The following CCDC30 variants were observed in gnomAD, a reference collection of about 807,000 sequenced individuals.
The protein encoded by CCDC30 is coiled-coil domain containing 30, also known as coiled-coil domain-containing protein 30.
CCDC30 carries 70 observed loss-of-function variants against 100.2 expected under a neutral mutation model. The observed-to-expected ratio is 0.70, with a 90% CI of 0.58 to 0.85. The LOEUF is 0.85. Among genes scored for constraint, CCDC30 ranks in the 40% least tolerant of loss-of-function variants. CCDC30 has a pLI of 0.00. For missense variants in CCDC30, 652 were observed against 771.2 expected (o/e 0.85, Z 1.83); for synonymous variants, 233 against 269.5 (o/e 0.86, Z 1.33).
chr1:42,566,331 G>T, exon 7 of CCDC30: 1 of 1,613,702 alleles, frequency 6.2e-7, no homozygotes, highest in Non-Finnish European at 8.5e-7. Flanking sequence ...AATACAACCA[G>T]CAAGGGGAAG....
intron 6 of CCDC30, among the ~76,000 whole-genome samples, chr1:42,545,186 A>AAAAAAAAAAAAAAAT (rs760685126): frequency 1.6e-5 from 2 of 126,044 alleles, no homozygotes; most frequent in Admixed American, 8.7e-5. Flanking sequence ...AAAAAAAAAA[A>AAAAAAAAAAAAAAAT]AAGGGAATTT....
intron 10 of CCDC30, chr1:42,594,755 T>A (rs1408239468): frequency 1.3e-5 from 2 of 152,082 alleles, no homozygotes; most frequent in Non-Finnish European, 2.9e-5. Flanking sequence ...GAAATGAAAA[T>A]TTTAAAAATT....
the CCDC30 span, chr1:42,456,831 C>T: frequency 1.2e-6 from 2 of 1,613,386 alleles, no homozygotes; most frequent in African/African-American, 2.7e-5. Context: ...GCTCGCTCTG[C>T]CTTCCCCTAT....
chr1:42,607,659 A>C (rs1479853841), intron 10 of CCDC30, among the ~76,000 whole-genome samples: 1 of 152,172 alleles, frequency 6.6e-6, no homozygotes, highest in Non-Finnish European at 1.5e-5. Context: ...TTCTGGGAAA[A>C]AAAAAAATCA....
At position 42,633,771 on chromosome 1, in the gene CCDC30, G is replaced by A. The variant is rs72967289; in HGVS notation, c.1278-3466G>A. On this transcript the variant is annotated intron_variant, in intron 11 of 16. Coordinates refer to ENST00000668663, the Ensembl canonical transcript of CCDC30. ...CTAAAAATTGTTTTAAAAGTTAACTGAGCATAGTTGTATTAGTCACTTCTC... is the reference window on the plus strand; with the variant it reads ...CTAAAAATTGTTTTAAAAGTTAACTAAGCATAGTTGTATTAGTCACTTCTC... Among the ~76,000 whole-genome samples the A allele has an allele frequency of 1.1e-4, 16 of 152,214 alleles. No homozygotes were observed. In the South Asian group the frequency reaches 3.1e-3, roughly 30 times the overall value.
chr1:42,627,178 G>A (rs1022006806), intron 11 of CCDC30, among the ~76,000 whole-genome samples: 4 of 152,142 alleles, frequency 2.6e-5, no homozygotes, highest in African/African-American at 9.7e-5. Context: ...TTGGGAACTG[G>A]AGCAAGGGTG....
At chr1:42,542,423 C>T (rs1645028369) in intron 6 of CCDC30, among the ~76,000 whole-genome samples, 2 of 151,742 alleles carry the variant, frequency 1.3e-5, no homozygotes, top group South Asian at 4.2e-4. Flanking sequence ...TGGAATGCAG[C>T]GGCAAGATCA....
intron 8 of CCDC30, 34 bp downstream of exon 12, chr1:42,577,263 C>T: frequency 3.2e-6 from 4 of 1,264,852 alleles, no homozygotes; most frequent in South Asian, 1.2e-5. Context: ...ACAGCATACA[C>T]TGAATACCAC....
chr1:42,461,317 G>A, upstream of CCDC30, among the ~76,000 whole-genome samples: 1 of 152,152 alleles, frequency 6.6e-6, no homozygotes, highest in East Asian at 1.9e-4. Context: ...AGACTGTTCT[G>A]GAAGCAGCAG....
intron 6 of CCDC30, among the ~76,000 whole-genome samples, chr1:42,563,115 A>ATATAC (rs1645528521): frequency 6.6e-6 from 1 of 152,198 alleles, no homozygotes. Context: ...TATATACCCA[A>ATATAC]AGAAATATAA....
At chr1:42,644,260 C>T (rs1009317391) in intron 13 of CCDC30, among the ~76,000 whole-genome samples, 5 of 152,162 alleles carry the variant, frequency 3.3e-5, no homozygotes, top group Non-Finnish European at 7.3e-5. Flanking sequence ...CTGAAGAACT[C>T]AGAATCCTGT....
In CCDC30 at chr1:42,609,824, G is replaced by C. The variant is rs541894089; in HGVS notation, c.1165-1154G>C. On this transcript the variant is annotated intron_variant, in intron 10 of 16. Transcript: ENST00000668663. Reference sequence around the variant, plus strand: ...CAGGAGTGGAGGGAGTGCTTGTGATGGCAAGAGAGGCACTGTAATTCTCAG... The same window carrying C: ...CAGGAGTGGAGGGAGTGCTTGTGATCGCAAGAGAGGCACTGTAATTCTCAG... Among the ~76,000 whole-genome samples, 4 of 152,254 alleles carry C rather than the reference G, an allele frequency of 2.6e-5. No homozygotes were observed. The South Asian group carries it at 8.3e-4, about 32-fold the overall frequency.
rs148718686 is a variant in CCDC30, at chr1:42,629,110, A to G, written c.1278-8127A>G. Among the ~76,000 whole-genome samples the G allele has an allele frequency of 1.5e-3, 235 of 152,294 alleles. 4 individuals carry two copies. Among genetic ancestry groups the G allele is most frequent in the East Asian group, 0.015 (77 of 5,184 alleles). On this transcript the variant is annotated intron_variant, in intron 11 of 16. Coordinates refer to ENST00000668663, the Ensembl canonical transcript of CCDC30. The stretch of plus-strand genomic sequence containing the variant: ...TTTTGTGGTTTTCTATGTATTTACT[A>G]TTACCAGTGAGTCTTATACCTTCAG...
intron 6 of CCDC30, chr1:42,510,252 T>G: frequency 2.3e-6 from 1 of 438,432 alleles, no homozygotes; most frequent in Non-Finnish European, 3.0e-6. Flanking sequence ...AGGAGACAGA[T>G]TGCTCATCTC....
intron 8 of CCDC30, among the ~76,000 whole-genome samples, chr1:42,578,339 A>T (rs913152949): frequency 1.1e-4 from 17 of 152,202 alleles, no homozygotes; most frequent in African/African-American, 4.1e-4. Flanking sequence ...CTATGGAAGT[A>T]AGATAGTGGT....
intron 6 of CCDC30, among the ~76,000 whole-genome samples, chr1:42,563,942 G>A (rs904270216): frequency 6.6e-6 from 1 of 150,984 alleles, no homozygotes; most frequent in African/African-American, 2.4e-5. Context: ...TTTTTTCCTA[G>A]GGATCTTGCA....
Position 42,500,291 on chromosome 1 carries a change from T to G in CCDC30, c.456+1375T>G, listed in dbSNP as rs141981718. The G allele has an allele frequency of 3.2e-4, 518 of 1,610,952 alleles. 3 individuals carry two copies. The African/African-American group carries it at 6.5e-3, about 20-fold the overall frequency. On this transcript the variant is annotated intron_variant, in intron 6 of 16. Coordinates refer to ENST00000668663, the Ensembl canonical transcript of CCDC30. The stretch of plus-strand genomic sequence containing the variant: ...TCTTGCGTCTCTGTCTTCTTCAGTT[T>G]CGACTTATCGAATTTCTCCATCTCA...
At chr1:42,602,241 C>A (rs1354998165) in intron 10 of CCDC30, among the ~76,000 whole-genome samples, 2 of 150,724 alleles carry the variant, frequency 1.3e-5, no homozygotes, top group Non-Finnish European at 1.5e-5. Context: ...ATAAAAATTA[C>A]AGGAGAAATC....
intron 6 of CCDC30, among the ~76,000 whole-genome samples, chr1:42,534,259 C>T (rs1644856663): frequency 6.6e-6 from 1 of 151,798 alleles, no homozygotes; most frequent in Non-Finnish European, 1.5e-5. Context: ...GATGTTTCTT[C>T]TACTTTGTAC....
Sources: allele counts gnomAD v4.1 joint callset (sites outside exome capture counted in the v4.1 genomes callset), GRCh38; gene constraint gnomAD v4.1.1; transcripts MANE v1.5; gene names NCBI Gene and HGNC (gene_info 2026-07-23, HGNC 2026-07-21).